Variants in SLC49A4 observed in about 807,000 individuals in gnomAD.
The protein encoded by SLC49A4 is solute carrier family 49 member 4, also known as disrupted in renal cancer protein 2.
SLC49A4 carries 36 observed loss-of-function variants against 50.6 expected under a neutral mutation model. The ratio of observed to expected loss-of-function variants is 0.71; its 90% confidence interval spans 0.55 to 0.94. The LOEUF (loss-of-function observed/expected upper bound fraction) is 0.94, where lower values mean the gene tolerates loss of function less well. SLC49A4 is among the 40% of genes least tolerant of loss of function. The pLI, the probability that SLC49A4 is intolerant of heterozygous loss-of-function variation, is 0.00. For synonymous variants in SLC49A4, 248 were observed against 241.2 expected, an observed-to-expected ratio of 1.03 and a Z score of -0.26; for missense variants, 503 against 605.7, an observed-to-expected ratio of 0.83 and a Z score of 1.78.
chr3:122,796,683 G>A (rs954587996), intron 1 of SLC49A4, among the ~76,000 whole-genome samples: 13 of 152,200 alleles, frequency 8.5e-5, no homozygotes, highest in African/African-American at 2.7e-4. Context: ...ACCTTCCAAA[G>A]GCTGCACCTT....
intron 7 of SLC49A4, among the ~76,000 whole-genome samples, chr3:122,861,282 A>C (rs1406526035): frequency 1.3e-5 from 2 of 152,326 alleles, no homozygotes; most frequent in East Asian, 3.9e-4. Context: ...GAGGGAGGGC[A>C]TTACTCTGCC....
chr3:122,837,689 A>G (rs1320270613), intron 4 of SLC49A4, among the ~76,000 whole-genome samples: 1 of 152,216 alleles, frequency 6.6e-6, no homozygotes, highest in East Asian at 1.9e-4. Flanking sequence ...AGCAATGGCA[A>G]CAAAAGCCAA....
chr3:122,813,142 C>G (rs1936322248), intron 2 of SLC49A4, among the ~76,000 whole-genome samples: 1 of 150,978 alleles, frequency 6.6e-6, no homozygotes, highest in Non-Finnish European at 1.5e-5. Flanking sequence ...CCCAGCTACT[C>G]GGGAGGCTGA....
chr3:122,801,692 G>A (rs1415673358), intron 1 of SLC49A4, among the ~76,000 whole-genome samples: 1 of 152,218 alleles, frequency 6.6e-6, no homozygotes, highest in Non-Finnish European at 1.5e-5. Flanking sequence ...AGGGAAAAGA[G>A]CGTACCTCAG....
Position 122,795,329 on chromosome 3 carries a change from G to C in SLC49A4, c.137G>C (p.Arg46Pro). 1 of 1,520,058 alleles carries C rather than the reference G, an allele frequency of 6.6e-7. No individual in the cohort carries two copies. The highest frequency in any genetic ancestry group is 2.3e-4 in the Middle Eastern group (1 of 4,264). The allele number at this position is 1,520,058 out of a possible 1,614,324, so 94.2% of individuals were successfully genotyped here. ...ALPAAVPGPG[R>P]VYGRRWLVLL... ...CCCGCGGCGGTCCCGGGTCCCGGGCGGGTATACGGGCGCCGCTGGCTGGTG... is the reference window on the plus strand; with the variant it reads ...CCCGCGGCGGTCCCGGGTCCCGGGCCGGTATACGGGCGCCGCTGGCTGGTG... The change falls in exon 1 of 9, where the codon CGG becomes CCG. Residue 46 changes from arginine (R) to proline (P), a missense_variant. Coordinates refer to ENST00000261038, the MANE Select transcript of SLC49A4 (RefSeq NM_032839.3).
At chr3:122,812,419 A>T (rs1414440689) in intron 2 of SLC49A4, among the ~76,000 whole-genome samples, 1 of 152,224 alleles carries the variant, frequency 6.6e-6, no homozygotes, top group Non-Finnish European at 1.5e-5. Flanking sequence ...TTTAAGAACT[A>T]AGACTTTTCT....
At chr3:122,795,640 T>C in intron 1 of SLC49A4, 105 bp downstream of exon 1, 1 of 1,470,258 alleles carries the variant, frequency 6.8e-7, no homozygotes, top group East Asian at 2.7e-5. Flanking sequence ...GGCATAGGGG[T>C]TGTGTGAGGT....
chr3:122,831,852 A>G (rs907572129), intron 3 of SLC49A4, among the ~76,000 whole-genome samples: 1 of 152,080 alleles, frequency 6.6e-6, no homozygotes, highest in African/African-American at 2.4e-5. Context: ...GCCAATATGC[A>G]TATTTTAGGT....
intron 5 of SLC49A4, among the ~76,000 whole-genome samples, chr3:122,849,411 C>A (rs150043447): frequency 2.2e-3 from 333 of 152,288 alleles, no homozygotes; most frequent in South Asian, 7.0e-3. Flanking sequence ...GTACCGTTTT[C>A]CATAATGGCT....
intron 8 of SLC49A4, among the ~76,000 whole-genome samples, chr3:122,875,421 G>GC (rs1937253619): frequency 6.6e-6 from 1 of 152,132 alleles, no homozygotes; most frequent in African/African-American, 2.4e-5. Context: ...CACCATTATG[G>GC]CTCACTGCAA....
intron 4 of SLC49A4, among the ~76,000 whole-genome samples, chr3:122,843,575 C>T (rs1936804974): frequency 6.6e-6 from 1 of 152,172 alleles, no homozygotes. Context: ...ACAGTTTCCA[C>T]ATTAGGGCCA....
chr3:122,861,558 T>G (rs1043631319), intron 7 of SLC49A4, among the ~76,000 whole-genome samples: 8 of 152,242 alleles, frequency 5.3e-5, no homozygotes, highest in African/African-American at 1.7e-4. Flanking sequence ...GGGGACCTAT[T>G]GCCCAGTGGC....
At chr3:122,849,861 T>A (rs1576305778) in intron 5 of SLC49A4, among the ~76,000 whole-genome samples, 1 of 152,300 alleles carries the variant, frequency 6.6e-6, no homozygotes, top group East Asian at 1.9e-4. Context: ...TTGCTTTTGT[T>A]GCCTGTGTTT....
chr3:122,830,653 C>T lies in SLC49A4; in HGVS notation c.704-2664C>T, dbSNP rs996651910. Reference sequence around the variant, plus strand: ...TTTGAACCCCGTTGTTAACTCAAACCTAAATGTAAGAGCTAAAACTATAAA... The same window carrying T: ...TTTGAACCCCGTTGTTAACTCAAACTTAAATGTAAGAGCTAAAACTATAAA... On this transcript the variant is annotated intron_variant, in intron 3 of 8. Transcript: ENST00000261038. 2.0e-5 allele frequency among the ~76,000 whole-genome samples: 3 copies of T among 152,072 alleles called. No homozygotes were observed. The East Asian group carries it at 5.8e-4, about 29-fold the overall frequency.
In SLC49A4 at chr3:122,880,235, C is replaced by T. The variant is rs927777348; in HGVS notation, c.*857C>T. 1.3e-5 allele frequency: 2 copies of T among 152,206 alleles called. No individual in the cohort carries two copies. Among genetic ancestry groups the T allele is most frequent in the African/African-American group, 4.8e-5 (2 of 41,448 alleles). 9.4% of individuals were successfully genotyped at this position (152,206 alleles called of 1,614,324 possible). On this transcript the variant is annotated 3_prime_UTR_variant, in exon 9 of 9. Transcript: ENST00000261038. Reference sequence around the variant, plus strand: ...CATGAGATGTAATGTCCAGAGCCAACAATTATTTACCAGGGTTAGATTTTA... The same window carrying T: ...CATGAGATGTAATGTCCAGAGCCAATAATTATTTACCAGGGTTAGATTTTA...
At chr3:122,833,473 G>A in intron 4 of SLC49A4, 27 bp downstream of exon 4, 1 of 1,589,956 alleles carries the variant, frequency 6.3e-7, no homozygotes, top group Non-Finnish European at 8.6e-7. Flanking sequence ...TCACTGGATG[G>A]CTTTGACTGA....
At chr3:122,868,066 GAT>G (rs1937142367) in intron 7 of SLC49A4, among the ~76,000 whole-genome samples, 1 of 151,186 alleles carries the variant, frequency 6.6e-6, no homozygotes, top group Non-Finnish European at 1.5e-5. Context: ...AGTGAGCCGA[GAT>G]CACGCCACTG....
At chr3:122,857,325 ACT>A in intron 6 of SLC49A4, among the ~76,000 whole-genome samples, 1 of 148,340 alleles carries the variant, frequency 6.7e-6, no homozygotes, top group African/African-American at 2.5e-5. Flanking sequence ...TTAAAATGTT[ACT>A]CTCTTAGGCA....
At chr3:122,840,601 A>G (rs1185975464) in intron 4 of SLC49A4, among the ~76,000 whole-genome samples, 1 of 152,168 alleles carries the variant, frequency 6.6e-6, no homozygotes, top group African/African-American at 2.4e-5. Flanking sequence ...AATCAATATT[A>G]AAACTTATTA....
Sources: allele counts gnomAD v4.1 joint callset (sites outside exome capture counted in the v4.1 genomes callset), GRCh38; gene constraint gnomAD v4.1.1; transcripts MANE v1.5; gene names NCBI Gene and HGNC (gene_info 2026-07-23, HGNC 2026-07-21).